CYFIP2: variants seen among roughly 807,000 people sequenced by gnomAD.
CYFIP2 encodes cytoplasmic FMR1-interacting protein 2.
CYFIP2 carries 29 observed loss-of-function variants against 158.7 expected under a neutral mutation model. That is an observed-to-expected ratio of 0.18 (90% confidence interval 0.14 to 0.25). The LOEUF is 0.25. Among genes scored for constraint, CYFIP2 ranks in the 10% least tolerant of loss-of-function variants. The pLI is 1.00. For missense variants in CYFIP2, 852 were observed against 1,639.5 expected (o/e 0.52, Z 8.29); for synonymous variants, 585 against 617.6 (o/e 0.95, Z 0.78).
chr5:157,350,508 A>G (rs1335997728), intron 23 of CYFIP2, among the ~76,000 whole-genome samples: 1 of 152,206 alleles, frequency 6.6e-6, no homozygotes, highest in Non-Finnish European at 1.5e-5. Context: ...TGACATTACC[A>G]TGCTGTTTCG....
chr5:157,292,034 G>A (rs534499105), intron 3 of CYFIP2, among the ~76,000 whole-genome samples: 20 of 152,142 alleles, frequency 1.3e-4, no homozygotes, highest in African/African-American at 4.8e-4. Context: ...CCCTGGACCT[G>A]TTAGTAGTCA....
intron 11 of CYFIP2, among the ~76,000 whole-genome samples, chr5:157,314,104 A>G (rs1759949297): frequency 6.6e-6 from 1 of 152,170 alleles, no homozygotes; most frequent in Non-Finnish European, 1.5e-5. Context: ...CATAAATTTA[A>G]TATCTCTATG....
intron 1 of CYFIP2, among the ~76,000 whole-genome samples, chr5:157,267,111 C>T (rs1755669881): frequency 6.6e-6 from 1 of 152,242 alleles, no homozygotes; most frequent in Non-Finnish European, 1.5e-5. Context: ...GGTGCCTCCC[C>T]AGCACAGGGA....
intron 13 of CYFIP2, among the ~76,000 whole-genome samples, chr5:157,318,161 C>G (rs1430350715): frequency 6.6e-6 from 1 of 152,196 alleles, no homozygotes; most frequent in African/African-American, 2.4e-5. Context: ...TTTTTCTCAT[C>G]AGTGACTTTG....
intron 21 of CYFIP2, among the ~76,000 whole-genome samples, chr5:157,334,621 G>T (rs1377405445): frequency 2.0e-5 from 3 of 151,880 alleles, no homozygotes; most frequent in African/African-American, 7.3e-5. Context: ...ATATATTCTT[G>T]CCAAAATGCA....
chr5:157,362,366 T>G (rs1763916008), intron 26 of CYFIP2, among the ~76,000 whole-genome samples: 1 of 152,202 alleles, frequency 6.6e-6, no homozygotes, highest in African/African-American at 2.4e-5. Flanking sequence ...GAAAAAGAAC[T>G]CTGGTTCATA....
intron 11 of CYFIP2, among the ~76,000 whole-genome samples, chr5:157,312,910 T>G (rs1010198830): frequency 3.3e-5 from 5 of 152,210 alleles, no homozygotes; most frequent in Non-Finnish European, 7.3e-5. Flanking sequence ...ATAGATCTCA[T>G]TATGTTGCCC....
At chr5:157,365,696 G>A (rs1231573037) in intron 26 of CYFIP2, among the ~76,000 whole-genome samples, 3 of 150,914 alleles carry the variant, frequency 2.0e-5, no homozygotes, top group Non-Finnish European at 3.0e-5. Context: ...GCAAGGAATC[G>A]TAGTTCCGAG....
rs192101672 is a variant in CYFIP2 at position 157,356,582 on chromosome 5, C to G, written c.2674-2423C>G. On this transcript the variant is annotated intron_variant, in intron 23 of 30. Coordinates refer to ENST00000620254, the MANE Select transcript of CYFIP2 (RefSeq NM_001037333.3). Reference sequence around the variant, plus strand: ...TCACCCTAGGAAGTCCTCTCATGCCCCTTTCCAGTTAGTCTCCTCCTCCCA... The same window carrying G: ...TCACCCTAGGAAGTCCTCTCATGCCGCTTTCCAGTTAGTCTCCTCCTCCCA... Among the ~76,000 whole-genome samples, 14 of 152,180 alleles carry G rather than the reference C, an allele frequency of 9.2e-5. No homozygotes were observed. The East Asian group carries it at 2.5e-3, about 27-fold the overall frequency.
intron 26 of CYFIP2, among the ~76,000 whole-genome samples, chr5:157,371,881 T>C (rs1765025826): frequency 6.6e-6 from 1 of 152,226 alleles, no homozygotes; most frequent in African/African-American, 2.4e-5. Flanking sequence ...GTAGACAGAC[T>C]GTGGTTCTTA....
rs1323442628 is a variant in CYFIP2 at position 157,338,068 on chromosome 5, A to G, written c.2386-989A>G. ...GGCCTAAGGTGCTTTCTGTCTCTAC[A>G]TAAGACTGTACTTTGATTCCTTTTG... On this transcript the variant is annotated intron_variant, in intron 21 of 30. Coordinates refer to ENST00000620254, the MANE Select transcript of CYFIP2 (RefSeq NM_001037333.3). Among the ~76,000 whole-genome samples, 4 of 152,354 alleles carry G rather than the reference A, an allele frequency of 2.6e-5. No individual in the cohort carries two copies. The East Asian group carries it at 5.8e-4, about 22-fold the overall frequency.
intron 13 of CYFIP2, among the ~76,000 whole-genome samples, chr5:157,317,526 C>T (rs1420951464): frequency 6.6e-6 from 1 of 152,072 alleles, no homozygotes. Flanking sequence ...GGATATAGCT[C>T]TCTCCTTCCT....
Position 157,279,869 on chromosome 5 carries a change from G to A in CYFIP2, c.-23-5470G>A, listed in dbSNP as rs148662824. Among the ~76,000 whole-genome samples the A allele has an allele frequency of 2.8e-3, 423 of 152,294 alleles. 1 individual carries two copies. Among genetic ancestry groups the A allele is most frequent in the African/African-American group, 9.8e-3 (406 of 41,562 alleles). On this transcript the variant is annotated intron_variant, in intron 1 of 30. Coordinates refer to ENST00000620254, the MANE Select transcript of CYFIP2 (RefSeq NM_001037333.3). ...GGACACTTGGGCAGGAAAGAAGTACGTTCTTATTTTCATTTATACCTCTGT... is the reference window on the plus strand; with the variant it reads ...GGACACTTGGGCAGGAAAGAAGTACATTCTTATTTTCATTTATACCTCTGT...
At chr5:157,299,851 G>A (rs1448297842) in intron 5 of CYFIP2, among the ~76,000 whole-genome samples, 2 of 152,176 alleles carry the variant, frequency 1.3e-5, no homozygotes, top group South Asian at 2.1e-4. Context: ...GCAGTGAGCC[G>A]ACATTGTGCC....
At chr5:157,287,191 T>A (rs1757458915) in intron 3 of CYFIP2, 83 bp downstream of exon 3, 1 of 1,060,164 alleles carries the variant, frequency 9.4e-7, no homozygotes, top group African/African-American at 1.6e-5. Flanking sequence ...ACCAGAGGCA[T>A]GTGCTCAGCT....
chr5:157,355,249 C>G (rs1429388666), intron 23 of CYFIP2, among the ~76,000 whole-genome samples: 1 of 152,152 alleles, frequency 6.6e-6, no homozygotes, highest in African/African-American at 2.4e-5. Flanking sequence ...AAAATTACCC[C>G]CCACATATGC....
chr5:157,367,533 T>C (rs1764500058), intron 26 of CYFIP2, among the ~76,000 whole-genome samples: 1 of 152,204 alleles, frequency 6.6e-6, no homozygotes, highest in Admixed American at 6.5e-5. Context: ...GTTAGCGTAT[T>C]ACAGTACAGA....
At chr5:157,384,449 C>A (rs541896922) in intron 28 of CYFIP2, 1 of 456,782 alleles carries the variant, frequency 2.2e-6, no homozygotes, top group Admixed American at 2.3e-5. Context: ...TCCGGCGGTC[C>A]TCTTTGGTGT....
intron 3 of CYFIP2, chr5:157,288,728 C>T (rs1409875427): frequency 4.6e-6 from 2 of 431,882 alleles, no homozygotes; most frequent in African/African-American, 2.0e-5. Flanking sequence ...GCATAACTTA[C>T]TCAGGGTCCT....
Sources: gnomAD v4.1 joint callset for allele counts (sites outside exome capture counted in the v4.1 genomes callset) on GRCh38, gnomAD v4.1.1 for gene constraint, MANE v1.5 for transcripts, NCBI Gene and HGNC (gene_info 2026-07-23, HGNC 2026-07-21) for gene names.